Variants in SNTG2 observed in about 807,000 individuals in gnomAD.
SNTG2 encodes the protein syntrophin gamma 2.
Under a neutral mutation model 70.9 loss-of-function variants are expected in SNTG2, and 74 were observed. The observed-to-expected ratio is 1.04, with a 90% confidence interval of 0.86 to 1.27. SNTG2 has a LOEUF of 1.27. Among genes scored for constraint, SNTG2 ranks in the 50% most tolerant of loss-of-function variants. The pLI is 0.00. For synonymous variants in SNTG2, 278 were observed against 273.8 expected (o/e 1.02, Z -0.15); for missense variants, 717 against 690.7 (o/e 1.04, Z -0.43).
chr2:1,257,294 C>T (rs975269980), intron 12 of SNTG2, among the ~76,000 whole-genome samples: 3 of 152,114 alleles, frequency 2.0e-5, no homozygotes, highest in African/African-American at 4.8e-5. Context: ...ATCATGTTGG[C>T]GAAGATGATG....
chr2:1,121,579 C>A (rs1385041372), intron 4 of SNTG2, among the ~76,000 whole-genome samples: 1 of 152,080 alleles, frequency 6.6e-6, no homozygotes, highest in Non-Finnish European at 1.5e-5. Flanking sequence ...ACTCACAGTT[C>A]CGCATGGCTG....
intron 1 of SNTG2, among the ~76,000 whole-genome samples, chr2:959,932 T>C (rs1182835602): frequency 6.6e-6 from 1 of 152,120 alleles, no homozygotes; most frequent in Non-Finnish European, 1.5e-5. Flanking sequence ...ATCTAGCAGC[T>C]CATAGATTTC....
chr2:1,240,904 T>G (rs777463366), intron 11 of SNTG2, among the ~76,000 whole-genome samples: 4 of 152,224 alleles, frequency 2.6e-5, no homozygotes, highest in Non-Finnish European at 4.4e-5. Context: ...AATATAGGAT[T>G]CATTTCATAT....
At chr2:1,122,620 GA>G (rs1667443564) in intron 4 of SNTG2, among the ~76,000 whole-genome samples, 1 of 150,044 alleles carries the variant, frequency 6.7e-6, no homozygotes, top group African/African-American at 2.4e-5. Context: ...TAATCAATAT[GA>G]ACAAACGCTT....
At chr2:1,174,593 T>A (rs1188154070) in intron 8 of SNTG2, among the ~76,000 whole-genome samples, 1 of 152,210 alleles carries the variant, frequency 6.6e-6, no homozygotes, top group African/African-American at 2.4e-5. Context: ...CAGGATGTTC[T>A]ATTTTCAAAA....
intron 2 of SNTG2, among the ~76,000 whole-genome samples, chr2:1,087,568 A>G (rs1428405124): frequency 6.6e-6 from 1 of 152,088 alleles, no homozygotes. Flanking sequence ...TGTTTCCTAT[A>G]TGTATCTTTA....
chr2:1,156,170 C>A (rs1481912674), intron 6 of SNTG2, among the ~76,000 whole-genome samples: 1 of 152,136 alleles, frequency 6.6e-6, no homozygotes, highest in Non-Finnish European at 1.5e-5. Context: ...AGAAGGGTTC[C>A]CTGGCAAGGA....
rs913781259 is a variant in SNTG2, at chr2:1,097,121, A to G, written c.211-1075A>G. 7.2e-5 allele frequency among the ~76,000 whole-genome samples: 11 copies of G among 152,214 alleles called. No homozygotes were observed. Among genetic ancestry groups the G allele is most frequent in the African/African-American group, 2.7e-4 (11 of 41,452 alleles). ...TGTCCCCATATACACACTTTAACACAGGTATATTTGCTCTAATTTTTGGTT... is the reference window on the plus strand; with the variant it reads ...TGTCCCCATATACACACTTTAACACGGGTATATTTGCTCTAATTTTTGGTT... On this transcript the variant is annotated intron_variant, in intron 2 of 16. Coordinates refer to ENST00000308624, the MANE Select transcript of SNTG2 (RefSeq NM_018968.4). This position sits in a 1 kb window ranked among gnomAD's most constrained non-coding sequence, Gnocchi z 4.1.
chr2:1,091,328 G>A (rs1665013157), intron 2 of SNTG2, among the ~76,000 whole-genome samples: 1 of 152,154 alleles, frequency 6.6e-6, no homozygotes, highest in Admixed American at 6.5e-5. Flanking sequence ...CTCCCCTGGA[G>A]GGCCAGGCCC....
intron 14 of SNTG2, among the ~76,000 whole-genome samples, chr2:1,290,158 A>G (rs1172406007): frequency 1.3e-5 from 2 of 152,168 alleles, no homozygotes; most frequent in Non-Finnish European, 2.9e-5. Context: ...TTATGAAGAA[A>G]AGTGGTTTAA....
chr2:1,311,464 C>T (rs976288926), intron 15 of SNTG2, among the ~76,000 whole-genome samples: 3 of 152,148 alleles, frequency 2.0e-5, no homozygotes, highest in African/African-American at 7.2e-5. Context: ...AGCTTTCCCA[C>T]CTTAACTGTG....
At chr2:1,178,123 G>C (rs1047869522) in intron 8 of SNTG2, among the ~76,000 whole-genome samples, 7 of 152,066 alleles carry the variant, frequency 4.6e-5, no homozygotes, top group African/African-American at 1.7e-4. Context: ...TTTCTGGATG[G>C]TACTTTAATC....
At chr2:1,074,761 A>T (rs1268506633) in intron 1 of SNTG2, among the ~76,000 whole-genome samples, 2 of 152,220 alleles carry the variant, frequency 1.3e-5, no homozygotes. Context: ...AAGGGAAATT[A>T]TCAAATGTTG....
intron 4 of SNTG2, among the ~76,000 whole-genome samples, chr2:1,116,440 G>T (rs139434670): frequency 6.6e-6 from 1 of 152,044 alleles, no homozygotes; most frequent in Non-Finnish European, 1.5e-5. Context: ...TCTTGCATGG[G>T]GGTGCTCTGG....
chr2:971,257 G>A (rs1223562192), intron 1 of SNTG2, among the ~76,000 whole-genome samples: 2 of 152,152 alleles, frequency 1.3e-5, no homozygotes, highest in African/African-American at 4.8e-5. Flanking sequence ...TTGTGAATTT[G>A]TCTGGTCCTG....
chr2:1,157,291 C>G (rs984345047), intron 6 of SNTG2, among the ~76,000 whole-genome samples: 15 of 152,178 alleles, frequency 9.9e-5, no homozygotes, highest in African/African-American at 3.1e-4. Flanking sequence ...CTACCCCTGA[C>G]CCCTGCAGAA....
chr2:1,134,279 G>C (rs4971471), intron 4 of SNTG2, among the ~76,000 whole-genome samples: 18,355 of 151,988 alleles, frequency 0.12, 1,704 homozygotes, highest in East Asian at 0.43. Flanking sequence ...TGGTGGCGCC[G>C]GGATCCTGCT....
intron 13 of SNTG2, among the ~76,000 whole-genome samples, chr2:1,262,679 G>A (rs541354978): frequency 7.0e-6 from 1 of 142,044 alleles, no homozygotes; most frequent in South Asian, 2.2e-4. Context: ...TCCAGACGAG[G>A]CAACCGGAAG....
intron 4 of SNTG2, among the ~76,000 whole-genome samples, chr2:1,106,325 A>G (rs111318227): frequency 3.9e-5 from 5 of 128,252 alleles, no homozygotes; most frequent in African/African-American, 1.5e-4. Flanking sequence ...GCTCCTTGAT[A>G]ATAATGGACA....
Sources: gnomAD v4.1 joint callset for allele counts (sites outside exome capture counted in the v4.1 genomes callset) on GRCh38, gnomAD v4.1.1 for gene constraint, Gnocchi (gnomAD v3.1) non-coding constraint, MANE v1.5 for transcripts, NCBI Gene and HGNC (gene_info 2026-07-23, HGNC 2026-07-21) for gene names.